KLRG1: variants seen among roughly 807,000 people sequenced by gnomAD.
KLRG1 encodes the protein killer cell lectin-like receptor subfamily G member 1.
Under a neutral mutation model 21.8 loss-of-function variants are expected in KLRG1, and 16 were observed. The observed-to-expected ratio is 0.73, with a 90% CI of 0.50 to 1.11. KLRG1 has a LOEUF of 1.11. Ranked by LOEUF, KLRG1 falls within the 50% of genes most tolerant of loss-of-function variation. The probability of loss-of-function intolerance (pLI) is 0.00; values close to 1 mark genes in which losing one functional copy is unlikely to be tolerated. For synonymous variants in KLRG1, 69 were observed against 75.9 expected (o/e 0.91, Z 0.47); for missense variants, 173 against 218.3 (o/e 0.79, Z 1.31).
At chr12:9,176,287 C>T in the KLRG1 span, among the ~76,000 whole-genome samples, 2 of 152,004 alleles carry the variant, frequency 1.3e-5, no homozygotes, top group East Asian at 1.9e-4. Flanking sequence ...ACACTCACTC[C>T]GGCCTATTAG....
chr12:9,071,593 C>T, the KLRG1 span, among the ~76,000 whole-genome samples: 2 of 152,108 alleles, frequency 1.3e-5, no homozygotes, highest in African/African-American at 4.8e-5. Flanking sequence ...TCCCTCCTCC[C>T]ATCCTTAACC....
the KLRG1 span, chr12:9,201,134 AG>A: frequency 1.3e-6 from 2 of 1,555,392 alleles, no homozygotes; most frequent in Non-Finnish European, 1.8e-6. Context: ...ATGATTTTGA[AG>A]GTGATAATTA....
the KLRG1 span, chr12:9,154,542 AT>A: frequency 1.5e-6 from 2 of 1,355,848 alleles, no homozygotes; most frequent in Non-Finnish European, 2.1e-6. Flanking sequence ...TCTCTTTTCC[AT>A]TAACTGTTCT....
chr12:9,161,215 G>T, the KLRG1 span: 1 of 1,011,692 alleles, frequency 9.9e-7, no homozygotes, highest in Non-Finnish European at 1.5e-6. Flanking sequence ...ACACTCCCTG[G>T]ATATGGTACT....
At chr12:9,029,725 C>G in the KLRG1 span, among the ~76,000 whole-genome samples, 1 of 151,910 alleles carries the variant, frequency 6.6e-6, no homozygotes, top group East Asian at 1.9e-4. Context: ...TGTATTTTCC[C>G]AAAATTTTTT....
At chr12:9,180,088 G>A in the KLRG1 span, among the ~76,000 whole-genome samples, 2 of 152,090 alleles carry the variant, frequency 1.3e-5, no homozygotes, top group African/African-American at 2.4e-5. Context: ...CAAGTGGTAC[G>A]TATTTTTACT....
the KLRG1 span, among the ~76,000 whole-genome samples, chr12:9,121,352 C>G: frequency 1.3e-5 from 2 of 152,084 alleles, no homozygotes; most frequent in African/African-American, 4.8e-5. The surrounding 1 kb of genome is among the most constrained non-coding windows in gnomAD (Gnocchi z 4.4). Context: ...ACCATCCTGG[C>G]CAACATGGTG....
the KLRG1 span, among the ~76,000 whole-genome samples, chr12:9,030,697 T>C: frequency 6.6e-6 from 1 of 152,234 alleles, no homozygotes; most frequent in Non-Finnish European, 1.5e-5. Flanking sequence ...TGAGCCACTG[T>C]GCCCAGCCTA....
chr12:8,965,425 T>C (rs1430424797), intron 1 of KLRG1, among the ~76,000 whole-genome samples: 1 of 152,224 alleles, frequency 6.6e-6, no homozygotes, highest in Non-Finnish European at 1.5e-5. Flanking sequence ...CATGATTGTA[T>C]ACCTAGAAAA....
At chr12:9,048,907 C>G in the KLRG1 span, among the ~76,000 whole-genome samples, 1 of 152,176 alleles carries the variant, frequency 6.6e-6, no homozygotes, top group Non-Finnish European at 1.5e-5. Flanking sequence ...TTTTTGTTCA[C>G]AGATTACATG....
chr12:9,042,046 T>G, the KLRG1 span, among the ~76,000 whole-genome samples: 2 of 152,190 alleles, frequency 1.3e-5, no homozygotes, highest in Non-Finnish European at 2.9e-5. Context: ...AAGGAACACA[T>G]TTTTTATTGG....
In KLRG1 at chr12:8,992,236, T is replaced by G. The variant is rs1232794113; in HGVS notation, c.113T>G (p.Leu38Arg). ...TCTTCCAGGCCTTCTTGTTCTTGCC[T>G]TGTGGCAATAGCTTTGGGGCTTCTG... Reference protein sequence around the residue: ...SSSSRPSCSCLVAIALGLLTA... With the variant: ...SSSSRPSCSCRVAIALGLLTA... The change falls in exon 2 of 5, where the codon CTT becomes CGT. Residue 38 changes from leucine (L) to arginine (R), a missense_variant. This residue lies in a region of KLRG1 where 144 missense variants were observed against 161.5 expected (regional missense o/e 0.89). Transcript: ENST00000356986. The G allele has an allele frequency of 6.2e-7, 1 of 1,613,832 alleles. No individual in the cohort carries two copies. Among genetic ancestry groups the G allele is most frequent in the Non-Finnish European group, 8.5e-7 (1 of 1,179,884 alleles).
chr12:9,019,545 A>G, the KLRG1 span, among the ~76,000 whole-genome samples: 1 of 152,208 alleles, frequency 6.6e-6, no homozygotes, highest in African/African-American at 2.4e-5. Flanking sequence ...AAGAATGGAT[A>G]AAGAAAAATG....
At chr12:9,094,913 A>T in the KLRG1 span, 2 of 942,824 alleles carry the variant, frequency 2.1e-6, no homozygotes, top group African/African-American at 1.7e-5. Context: ...TGTATCTTTT[A>T]AAAAATTTAA....
the KLRG1 span, among the ~76,000 whole-genome samples, chr12:9,044,683 A>C: frequency 1.3e-4 from 19 of 151,942 alleles, no homozygotes; most frequent in South Asian, 6.2e-4. Flanking sequence ...CAAAAAAAAA[A>C]CCCCAAACAA....
the KLRG1 span, among the ~76,000 whole-genome samples, chr12:9,178,357 C>T: frequency 6.6e-6 from 1 of 152,196 alleles, no homozygotes; most frequent in Non-Finnish European, 1.5e-5. Flanking sequence ...ACCCAGAATC[C>T]TCAGTTACAA....
chr12:9,050,878 A>ACT, the KLRG1 span, among the ~76,000 whole-genome samples: 1 of 152,126 alleles, frequency 6.6e-6, no homozygotes, highest in Non-Finnish European at 1.5e-5. Flanking sequence ...GTCTGCTTCC[A>ACT]CTGCCTGGCC....
At chr12:9,095,845 C>T in the KLRG1 span, 5 of 642,766 alleles carry the variant, frequency 7.8e-6, no homozygotes, top group African/African-American at 3.9e-5. Flanking sequence ...CTGCAAGCTC[C>T]GCTTCCCGGG....
At chr12:9,203,337 C>CTTTTT in the KLRG1 span, among the ~76,000 whole-genome samples, 3 of 114,590 alleles carry the variant, frequency 2.6e-5, no homozygotes, top group Admixed American at 1.0e-4. Flanking sequence ...AACTACATTC[C>CTTTTT]TTTTTTTTTT....
Sources: allele counts gnomAD v4.1 joint callset (sites outside exome capture counted in the v4.1 genomes callset), GRCh38; gene constraint gnomAD v4.1.1; regional missense constraint gnomAD v4.1.1; non-coding constraint Gnocchi (gnomAD v3.1); transcripts MANE v1.5; gene names NCBI Gene and HGNC (gene_info 2026-07-23, HGNC 2026-07-21).